The following UHRF1 variants were observed in gnomAD, a reference collection of about 807,000 sequenced individuals.
UHRF1 encodes E3 ubiquitin-protein ligase UHRF1.
Under a neutral mutation model 96.5 loss-of-function variants are expected in UHRF1, and 9 were observed. That is an observed-to-expected ratio of 0.09 (90% CI 0.06 to 0.16). UHRF1 has a LOEUF of 0.16. Ranked by LOEUF, UHRF1 falls within the 10% of genes least tolerant of loss-of-function variation. The pLI, the probability that UHRF1 is intolerant of heterozygous loss-of-function variation, is 1.00. For synonymous variants in UHRF1, 455 were observed against 469.9 expected (o/e 0.97, Z 0.41); for missense variants, 626 against 1,131.1 (o/e 0.55, Z 6.40).
Position 4,941,557 on chromosome 19 carries a change from T to C in UHRF1, c.815T>C (p.Ile272Thr), listed in dbSNP as rs2033400434. ...GATTCTCTGAACGACTGTCGGATCA[T>C]CTTCGTGGACGAAGTCTTCAAGATT... ...GDDSLNDCRI[I>T]FVDEVFKIER... Residue 272 changes from isoleucine (I) to threonine (T), a missense_variant, in exon 6 of 17, where the codon ATC (isoleucine) becomes ACC (threonine). By Grantham distance (89) the Ile-to-Thr change is moderately conservative (BLOSUM62 -1). This residue lies in a region of UHRF1 where 198 missense variants were observed against 235.1 expected (regional missense o/e 0.84). Transcript: ENST00000650932. The C allele has an allele frequency of 6.2e-7, 1 of 1,613,576 alleles. No individual in the cohort carries two copies. Among genetic ancestry groups the C allele is most frequent in the African/African-American group, 1.3e-5 (1 of 74,926 alleles).
chr19:4,911,989 C>T (rs1031573309), intron 2 of UHRF1, among the ~76,000 whole-genome samples: 2 of 152,176 alleles, frequency 1.3e-5, no homozygotes, highest in Non-Finnish European at 2.9e-5. Context: ...GGAAAATAAA[C>T]ACTGCGCCCG....
chr19:4,949,238 A>T (rs915105246), intron 11 of UHRF1, among the ~76,000 whole-genome samples: 1 of 152,150 alleles, frequency 6.6e-6, no homozygotes, highest in African/African-American at 2.4e-5. Flanking sequence ...TTGGCCAAAA[A>T]TTCTAAAATG....
chr19:4,956,634 C>A, intron 15 of UHRF1, 75 bp from the exon 16 acceptor site: 2 of 904,498 alleles, frequency 2.2e-6, no homozygotes, highest in South Asian at 1.4e-5. Flanking sequence ...CAGGTACATG[C>A]TCAGCAGGAA....
At chr19:4,943,673 T>C (rs1236299168) in intron 7 of UHRF1, among the ~76,000 whole-genome samples, 3 of 151,944 alleles carry the variant, frequency 2.0e-5, no homozygotes, top group African/African-American at 4.8e-5. Flanking sequence ...TTTTTTGAGA[T>C]AGAGTCTTGC....
chr19:4,950,558 T>C, intron 11 of UHRF1, 53 bp from the exon 12 acceptor site: 13 of 1,565,994 alleles, frequency 8.3e-6, no homozygotes, highest in Non-Finnish European at 1.1e-5. Flanking sequence ...TGTTTCCTTT[T>C]TTGGGGGGTA....
At chr19:4,921,571 A>G (rs2032704522) in intron 2 of UHRF1, among the ~76,000 whole-genome samples, 1 of 152,210 alleles carries the variant, frequency 6.6e-6, no homozygotes, top group Non-Finnish European at 1.5e-5. Flanking sequence ...CATGGGCAAC[A>G]TGGAGAAACC....
intron 2 of UHRF1, among the ~76,000 whole-genome samples, chr19:4,928,616 C>T (rs1212157590): frequency 1.3e-5 from 2 of 152,216 alleles, no homozygotes; most frequent in Non-Finnish European, 2.9e-5. Context: ...GAGCCTTACC[C>T]AGGAAGCTCA....
chr19:4,932,607 A>G, intron 4 of UHRF1, 134 bp from the exon 5 acceptor site: 1 of 911,222 alleles, frequency 1.1e-6, no homozygotes, highest in Admixed American at 2.6e-5. Flanking sequence ...TGTGTTCTCA[A>G]CACCAGCATA....
rs1158480163 is a variant in UHRF1, at chr19:4,947,321, A to G, written c.1517+110A>G. ...GATAGTCTCATTAGGAGCGTGGTAG[A>G]ACATAGCGAAGCCTGGCATTTGGTT... On this transcript the variant is annotated intron_variant, in intron 11 of 16. Coordinates refer to ENST00000650932, the MANE Select transcript of UHRF1 (RefSeq NM_001048201.3). 7.1e-6 allele frequency: 7 copies of G among 992,290 alleles called. No individual in the cohort carries two copies. The Admixed American group carries it at 1.5e-4, about 21-fold the overall frequency. 61.5% of individuals were successfully genotyped at this position (992,290 alleles called of 1,614,324 possible).
chr19:4,947,946 A>G (rs182835864), intron 11 of UHRF1, among the ~76,000 whole-genome samples: 1 of 152,174 alleles, frequency 6.6e-6, no homozygotes, highest in African/African-American at 2.4e-5. Flanking sequence ...AAAAGTAAAA[A>G]TAAAAAAATT....
intron 2 of UHRF1, among the ~76,000 whole-genome samples, chr19:4,912,275 C>T (rs566699366): frequency 6.6e-6 from 1 of 152,322 alleles, no homozygotes; most frequent in African/African-American, 2.4e-5. Context: ...CTCTCTTCCT[C>T]CCTCCTCCTA....
chr19:4,915,731 ACAAAAC>A (rs2032473771), intron 2 of UHRF1, among the ~76,000 whole-genome samples: 1 of 152,066 alleles, frequency 6.6e-6, no homozygotes, highest in Non-Finnish European at 1.5e-5. Flanking sequence ...AAAACAAAAA[ACAAAAC>A]CAAAACAAAA....
At chr19:4,949,119 A>G (rs963585692) in intron 11 of UHRF1, among the ~76,000 whole-genome samples, 6 of 102,118 alleles carry the variant, frequency 5.9e-5, no homozygotes, top group African/African-American at 1.8e-4. Context: ...TGGGTGACAG[A>G]GCAAAAAAAA....
At chr19:4,929,111 TG>T (rs774358016) in intron 2 of UHRF1, 110 bp from the exon 3 acceptor site, 1 of 1,325,712 alleles carries the variant, frequency 7.5e-7, no homozygotes, top group Middle Eastern at 2.0e-4. Flanking sequence ...TGATGCAGAT[TG>T]CCCCCCCCCC....
rs189742510 is a variant in UHRF1 at position 4,936,161 on chromosome 19, C to G, written c.785+3205C>G. Reference sequence around the variant, plus strand: ...GGTCCAGGCGGCCTTGGGGCAGACACTGTCCCTTGCCAGCCCCATGGGAGC... The same window carrying G: ...GGTCCAGGCGGCCTTGGGGCAGACAGTGTCCCTTGCCAGCCCCATGGGAGC... On this transcript the variant is annotated intron_variant, in intron 5 of 16. Coordinates refer to ENST00000650932, the MANE Select transcript of UHRF1 (RefSeq NM_001048201.3). Among the ~76,000 whole-genome samples, 8 of 152,290 alleles carry G rather than the reference C, an allele frequency of 5.3e-5. No homozygotes were observed. In the East Asian group the frequency reaches 1.5e-3, roughly 29 times the overall value.
intron 2 of UHRF1, among the ~76,000 whole-genome samples, chr19:4,921,994 C>T (rs767781274): frequency 3.9e-5 from 6 of 152,310 alleles, no homozygotes; most frequent in South Asian, 2.1e-4. Context: ...CTCGCTCTGT[C>T]GCCTAGGCTG....
At chr19:4,904,713 G>A (rs540428906), upstream of UHRF1, among the ~76,000 whole-genome samples, 7 of 152,336 alleles carry the variant, frequency 4.6e-5, no homozygotes, top group East Asian at 1.9e-4. Context: ...CAATGTCTGC[G>A]TGACCCAGGC....
intron 5 of UHRF1, among the ~76,000 whole-genome samples, chr19:4,934,719 C>T (rs779486061): frequency 1.3e-5 from 2 of 152,148 alleles, no homozygotes; most frequent in African/African-American, 4.8e-5. Context: ...AGTACAGGTA[C>T]AGCAAGCACG....
rs754937663 is a variant in UHRF1 at position 4,930,788 on chromosome 19, C to A, written c.481C>A (p.Arg161=). 1 of 1,613,976 alleles carries A rather than the reference C, an allele frequency of 6.2e-7. No individual in the cohort carries two copies. Among genetic ancestry groups the A allele is most frequent in the East Asian group, 2.2e-5 (1 of 44,882 alleles). The change falls in exon 4 of 17, where the codon CGG becomes AGG. Residue 161 remains arginine (R), a synonymous_variant. Transcript: ENST00000650932. The surrounding 1 kb of genome is among the most constrained non-coding windows in gnomAD (Gnocchi z 4.4). ...WFEAQVVRVT[R]KAPSRDEPCS... ...TGAGGCGCAGGTGGTCAGGGTGACGCGGAAGGCCCCCTCCCGGGACGAGCC... is the reference window on the plus strand; with the variant it reads ...TGAGGCGCAGGTGGTCAGGGTGACGAGGAAGGCCCCCTCCCGGGACGAGCC...
Sources: allele counts gnomAD v4.1 joint callset (sites outside exome capture counted in the v4.1 genomes callset), GRCh38; gene constraint gnomAD v4.1.1; regional missense constraint gnomAD v4.1.1; non-coding constraint Gnocchi (gnomAD v3.1); transcripts MANE v1.5; gene names NCBI Gene and HGNC (gene_info 2026-07-23, HGNC 2026-07-21).